Variants in TRIM67 observed in about 807,000 individuals in gnomAD.
TRIM67 encodes the protein tripartite motif containing 67, also known as tripartite motif-containing protein 67.
A neutral mutation model predicts 71.0 loss-of-function variants in TRIM67; 39 were observed. That is an observed-to-expected ratio of 0.55 (90% CI 0.43 to 0.72). TRIM67 has a LOEUF of 0.72. TRIM67 is among the 30% of genes least tolerant of loss of function. The pLI is 0.00. For missense variants in TRIM67, 973 were observed against 1,079.2 expected (o/e 0.90, Z 1.38); for synonymous variants, 481 against 473.9 (o/e 1.01, Z -0.19).
chr1:231,220,060 C>T lies in TRIM67; in HGVS notation c.*4620C>T. The T allele has an allele frequency of 4.8e-6, 4 of 833,614 alleles. No individual in the cohort carries two copies. The South Asian group carries it at 5.6e-5, about 12-fold the overall frequency. The allele number at this position is 833,614 out of a possible 1,614,324, so 51.6% of individuals were successfully genotyped here. A position where few individuals can be genotyped will look rare whatever the true frequency, so the allele number is the denominator to read the frequency against. Reference sequence around the variant, plus strand: ...GACTAGTCATACTAACCTACCTCCTCTGATGTATTGTGAGGATTATACAAT... The same window carrying T: ...GACTAGTCATACTAACCTACCTCCTTTGATGTATTGTGAGGATTATACAAT... On this transcript the variant is annotated 3_prime_UTR_variant, in exon 10 of 10. Transcript: ENST00000366653.
In TRIM67 at chr1:231,162,342, G is replaced by T. The variant is rs966418467; in HGVS notation, c.-628G>T. ...GTCGGGTCCCGCCGAGGTGGCCGCG[G>T]CCCCAGCGACCCGGCGGGTGGCGGC... is the stretch of plus-strand genomic sequence containing the variant. On this transcript the variant is annotated 5_prime_UTR_variant, in exon 1 of 10. Coordinates refer to ENST00000366653, the MANE Select transcript of TRIM67 (RefSeq NM_001004342.5). 2.0e-5 allele frequency: 3 copies of T among 152,154 alleles called. No homozygotes were observed. The highest frequency in any genetic ancestry group is 7.2e-5 in the African/African-American group (3 of 41,456). 9.4% of individuals were successfully genotyped at this position (152,154 alleles called of 1,614,324 possible). A position where few individuals can be genotyped will look rare whatever the true frequency, so the allele number is the denominator to read the frequency against.
At chr1:231,190,390 A>G (rs1032238146) in intron 1 of TRIM67, among the ~76,000 whole-genome samples, 1 of 152,164 alleles carries the variant, frequency 6.6e-6, no homozygotes, top group Non-Finnish European at 1.5e-5. Context: ...AGGGAGCTGC[A>G]GGGACAGGAG....
At chr1:231,176,916 A>G (rs918880862) in intron 1 of TRIM67, among the ~76,000 whole-genome samples, 1 of 151,780 alleles carries the variant, frequency 6.6e-6, no homozygotes, top group Non-Finnish European at 1.5e-5. Context: ...CAAAAAAAAA[A>G]AAAAAAACAC....
rs767284990 is a variant in TRIM67, at chr1:231,199,142, G to C, written c.1236G>C (p.Val412=). 3 of 1,614,008 alleles carry C rather than the reference G, an allele frequency of 1.9e-6. No individual in the cohort carries two copies. The highest frequency in any genetic ancestry group is 1.7e-6 in the Non-Finnish European group (2 of 1,179,890). The part of the protein sequence containing the change: ...TRQKAKLLTK[V]TKEREHKLKM... ...AGAAAGCCAAGCTGCTCACCAAGGTGACTAAAGAGAGGGAACACAAGTTGA... is the reference window on the plus strand; with the variant it reads ...AGAAAGCCAAGCTGCTCACCAAGGTCACTAAAGAGAGGGAACACAAGTTGA... The change falls in exon 3 of 10, where the codon GTG becomes GTC. Residue 412 remains valine, a synonymous_variant. Transcript: ENST00000366653.
At chr1:231,190,742 G>A (rs951233857) in intron 1 of TRIM67, among the ~76,000 whole-genome samples, 3 of 152,296 alleles carry the variant, frequency 2.0e-5, no homozygotes, top group African/African-American at 7.2e-5. Flanking sequence ...CTGGATCCTG[G>A]GAGCGGACTG....
chr1:231,219,829 CAGA>C lies in TRIM67; in HGVS notation c.*4393_*4395del, dbSNP rs1684098957. The C allele has an allele frequency of 7.8e-7, 1 of 1,284,708 alleles. No individual in the cohort carries two copies. Among genetic ancestry groups the C allele is most frequent in the Non-Finnish European group, 1.0e-6 (1 of 985,810 alleles). The allele number at this position is 1,284,708 out of a possible 1,614,324, so 79.6% of individuals were successfully genotyped here. On this transcript the variant is annotated 3_prime_UTR_variant, in exon 10 of 10. Coordinates refer to ENST00000366653, the MANE Select transcript of TRIM67 (RefSeq NM_001004342.5). ...GACCACATTCTTTGGCAGTTCCTCC[CAGA>C]AGATCAAAGGATCCTGCAGCTTTAA...
rs1376904190 is a variant in TRIM67, at chr1:231,209,974, C to G, written c.2123+724C>G. On this transcript the variant is annotated intron_variant, in intron 8 of 9. Transcript: ENST00000366653. The surrounding 1 kb of genome is among the most constrained non-coding windows in gnomAD (Gnocchi z 4.1). ...GCTTCTCTAGGGTGCCTTGGTCTCT[C>G]TCCTCAGACACAAAGAAGGCAGTGC... Among the ~76,000 whole-genome samples, 2 of 152,144 alleles carry G rather than the reference C, an allele frequency of 1.3e-5. No individual in the cohort carries two copies. The highest frequency in any genetic ancestry group is 2.9e-5 in the Non-Finnish European group (2 of 67,996).
chr1:231,215,584 C>T lies in TRIM67; in HGVS notation c.*144C>T, dbSNP rs1367202661. On this transcript the variant is annotated 3_prime_UTR_variant, in exon 10 of 10. Coordinates refer to ENST00000366653, the MANE Select transcript of TRIM67 (RefSeq NM_001004342.5). The stretch of plus-strand genomic sequence containing the variant: ...GGCAGCGTGGAGTGTCATAGAAACA[C>T]ATTTTCTTGGGGACGCAGGGAATGG... 2 of 1,412,824 alleles carry T rather than the reference C, an allele frequency of 1.4e-6. No individual in the cohort carries two copies. Among genetic ancestry groups the T allele is most frequent in the Admixed American group, 2.6e-5 (1 of 37,756 alleles). 87.5% of individuals were successfully genotyped at this position (1,412,824 alleles called of 1,614,324 possible).
chr1:231,178,309 G>A (rs1408631164), intron 1 of TRIM67, among the ~76,000 whole-genome samples: 7 of 152,122 alleles, frequency 4.6e-5, no homozygotes, highest in East Asian at 1.9e-4. Flanking sequence ...AGGAGAATAC[G>A]GGGAATAAGA....
chr1:231,168,684 CAT>C (rs532236284), intron 1 of TRIM67, among the ~76,000 whole-genome samples: 183 of 152,290 alleles, frequency 1.2e-3, no homozygotes, highest in African/African-American at 4.3e-3. Flanking sequence ...AAGAAGATGA[CAT>C]GTATCTAGAT....
intron 1 of TRIM67, among the ~76,000 whole-genome samples, chr1:231,168,569 T>C (rs925428556): frequency 6.6e-6 from 1 of 152,238 alleles, no homozygotes; most frequent in African/African-American, 2.4e-5. Context: ...AATTAAAAAT[T>C]CACGTGGATA....
rs1210305994 is a variant in TRIM67 at position 231,163,598 on chromosome 1, T to C, written c.629T>C (p.Leu210Pro). The C allele has an allele frequency of 1.3e-6, 2 of 1,517,162 alleles. No homozygotes were observed. Among genetic ancestry groups the C allele is most frequent in the South Asian group, 1.2e-5 (1 of 81,462 alleles). 94.0% of individuals were successfully genotyped at this position (1,517,162 alleles called of 1,614,324 possible). The change falls in exon 1 of 10, where the codon CTG (leucine) becomes CCG (proline). Residue 210 changes from leucine (L) to proline (P), a missense_variant. Transcript: ENST00000366653. ...GCCGCGGCGGTGGCCATCTGCCAGC[T>C]GTGCGACCGCACCCCGCCAGAGCCA... ...SAAAAVAICQ[L>P]CDRTPPEPAA...
chr1:231,184,802 C>G, intron 1 of TRIM67: 1 of 582,346 alleles, frequency 1.7e-6, no homozygotes, highest in South Asian at 2.0e-5. Flanking sequence ...GCCTTCCATG[C>G]ACACCATCAT....
In TRIM67 at chr1:231,203,978, T is replaced by C. The variant is rs895677759; in HGVS notation, c.1646T>C (p.Leu549Pro). 6.2e-7 allele frequency: 1 copy of C among 1,614,008 alleles called. No individual in the cohort carries two copies. The highest frequency in any genetic ancestry group is 8.5e-7 in the Non-Finnish European group (1 of 1,179,876). ...CACAGCCCCGTGGACGGCTACATCC[T>C]GGAGCTGGACGACGGTGCCGGGGGA... ...FTHSPVDGYI[L>P]ELDDGAGGQF... Residue 549 changes from leucine to proline, a missense_variant, in exon 6 of 10, where the codon CTG (leucine) becomes CCG (proline). By Grantham distance (98) the Leu-to-Pro change is moderately conservative. Around this residue, in one of 2 missense-constraint regions of TRIM67, gnomAD observed 795 missense variants for 831.3 expected, o/e 0.96. Transcript: ENST00000366653.
At chr1:231,171,093 G>A (rs1682607239) in intron 1 of TRIM67, among the ~76,000 whole-genome samples, 1 of 152,188 alleles carries the variant, frequency 6.6e-6, no homozygotes, top group African/African-American at 2.4e-5. Flanking sequence ...CAGGGTGCTA[G>A]GCCCATGACT....
At chr1:231,187,483 T>C (rs1202059474) in intron 1 of TRIM67, 2 of 1,493,768 alleles carry the variant, frequency 1.3e-6, no homozygotes, top group Non-Finnish European at 8.9e-7. Flanking sequence ...TTAGGCATTA[T>C]TATCAGCCAC....
At chr1:231,210,197 C>T (rs912885402) in intron 8 of TRIM67, among the ~76,000 whole-genome samples, 4 of 152,168 alleles carry the variant, frequency 2.6e-5, no homozygotes, top group African/African-American at 9.6e-5. Context: ...AGGGCCATCT[C>T]CCCAGCAGGA....
chr1:231,191,457 G>A (rs141613949), intron 1 of TRIM67, among the ~76,000 whole-genome samples: 143 of 152,342 alleles, frequency 9.4e-4, no homozygotes, highest in African/African-American at 3.4e-3. Context: ...TCCGCGGACT[G>A]GCAAGGGGTG....
chr1:231,211,970 C>T (rs1325711104), intron 8 of TRIM67, among the ~76,000 whole-genome samples: 1 of 152,076 alleles, frequency 6.6e-6, no homozygotes, highest in Non-Finnish European at 1.5e-5. Flanking sequence ...TGTACCTAGG[C>T]GAGTTAAGGA....
Sources: gnomAD v4.1 joint callset for allele counts (sites outside exome capture counted in the v4.1 genomes callset) on GRCh38, gnomAD v4.1.1 for gene constraint, gnomAD v4.1.1 regional missense constraint, Gnocchi (gnomAD v3.1) non-coding constraint, MANE v1.5 for transcripts, NCBI Gene and HGNC (gene_info 2026-07-23, HGNC 2026-07-21) for gene names.